CTNNA3: variants seen among roughly 807,000 people sequenced by gnomAD.
CTNNA3 encodes catenin alpha-3.
CTNNA3 carries 76 observed loss-of-function variants against 95.7 expected under a neutral mutation model. The ratio of observed to expected loss-of-function variants is 0.79; its 90% confidence interval spans 0.66 to 0.96. The LOEUF (loss-of-function observed/expected upper bound fraction) is 0.96, where lower values mean the gene tolerates loss of function less well. CTNNA3 is among the 40% of genes least tolerant of loss of function. The pLI is 0.00. For synonymous variants in CTNNA3, 431 were observed against 374.4 expected (o/e 1.15, Z -1.74); for missense variants, 1,191 against 1,089.8 (o/e 1.09, Z -1.31).
At chr10:65,978,088 A>C in intron 16 of CTNNA3, among the ~76,000 whole-genome samples, 1 of 150,986 alleles carries the variant, frequency 6.6e-6, no homozygotes, top group African/African-American at 2.4e-5. Flanking sequence ...CTGATTCCTG[A>C]CTCTATCAAG....
chr10:67,337,278 C>T (rs924432599), intron 5 of CTNNA3, among the ~76,000 whole-genome samples: 2 of 152,088 alleles, frequency 1.3e-5, no homozygotes, highest in Non-Finnish European at 2.9e-5. Flanking sequence ...GGCTTCAAGA[C>T]TTCAATGGCA....
At chr10:67,036,462 G>A (rs558386670) in intron 7 of CTNNA3, among the ~76,000 whole-genome samples, 1 of 152,198 alleles carries the variant, frequency 6.6e-6, no homozygotes, top group South Asian at 2.1e-4. Flanking sequence ...TCAGGAGTTT[G>A]AGATCAGCCT....
intron 5 of CTNNA3, among the ~76,000 whole-genome samples, chr10:67,446,962 G>A (rs993802963): frequency 9.2e-5 from 14 of 152,052 alleles, no homozygotes; most frequent in African/African-American, 1.2e-4. Context: ...AATATTAGCC[G>A]GGCGTGGTGG....
At chr10:66,339,980 A>C (rs1277898591) in intron 12 of CTNNA3, among the ~76,000 whole-genome samples, 1 of 151,730 alleles carries the variant, frequency 6.6e-6, no homozygotes, top group African/African-American at 2.4e-5. Context: ...CCTTGCAGAC[A>C]TCCCTCATGC....
intron 7 of CTNNA3, among the ~76,000 whole-genome samples, chr10:66,814,429 C>T (rs963361644): frequency 6.6e-6 from 1 of 152,106 alleles, no homozygotes; most frequent in Middle Eastern, 3.2e-3. Flanking sequence ...AAATATCATT[C>T]ATTTAACAAT....
intron 9 of CTNNA3, among the ~76,000 whole-genome samples, chr10:66,628,627 C>A (rs1294218222): frequency 6.6e-6 from 1 of 152,014 alleles, no homozygotes; most frequent in East Asian, 1.9e-4. Flanking sequence ...GGGCTTCTTT[C>A]TGAATTTAGA....
chr10:66,824,529 T>C (rs1363020340), intron 7 of CTNNA3, among the ~76,000 whole-genome samples: 3 of 152,180 alleles, frequency 2.0e-5, no homozygotes, highest in Non-Finnish European at 4.4e-5. Context: ...AATAGGTACC[T>C]TGAACATGAT....
chr10:67,507,308 T>C (rs964542102), intron 5 of CTNNA3, among the ~76,000 whole-genome samples: 1 of 152,116 alleles, frequency 6.6e-6, no homozygotes, highest in Non-Finnish European at 1.5e-5. Context: ...GGCAGGTGGA[T>C]CACGACGTCA....
intron 7 of CTNNA3, among the ~76,000 whole-genome samples, chr10:66,896,878 C>A (rs1845515394): frequency 6.6e-6 from 1 of 152,144 alleles, no homozygotes; most frequent in African/African-American, 2.4e-5. Flanking sequence ...GTTTTGTGTT[C>A]CTTGTTGCGC....
At chr10:67,486,615 A>G (rs1848459079) in intron 5 of CTNNA3, among the ~76,000 whole-genome samples, 1 of 152,160 alleles carries the variant, frequency 6.6e-6, no homozygotes, top group Admixed American at 6.5e-5. Flanking sequence ...TTGTAAAAGT[A>G]TTTCAAGGAT....
At chr10:66,690,335 A>G (rs1266075927) in intron 9 of CTNNA3, among the ~76,000 whole-genome samples, 1 of 151,624 alleles carries the variant, frequency 6.6e-6, no homozygotes, top group Non-Finnish European at 1.5e-5. Context: ...TTTTTTTATT[A>G]TTATTATACT....
chr10:67,619,288 A>C (rs1458610434), intron 2 of CTNNA3, among the ~76,000 whole-genome samples: 6 of 152,234 alleles, frequency 3.9e-5, no homozygotes, highest in Admixed American at 3.9e-4. Flanking sequence ...AATGGAATAG[A>C]ATAGAGAACC....
chr10:66,208,860 A>T (rs1188033405), intron 13 of CTNNA3, among the ~76,000 whole-genome samples: 1 of 152,018 alleles, frequency 6.6e-6, no homozygotes, highest in African/African-American at 2.4e-5. Context: ...CATCCTAGTC[A>T]CCAAAGGGCC....
intron 7 of CTNNA3, among the ~76,000 whole-genome samples, chr10:66,895,518 C>A (rs1312498929): frequency 6.6e-6 from 1 of 152,014 alleles, no homozygotes. Flanking sequence ...CCTTTATTAT[C>A]TTTCAGCTTC....
chr10:66,841,890 AG>A (rs1843077924), intron 7 of CTNNA3, among the ~76,000 whole-genome samples: 1 of 152,206 alleles, frequency 6.6e-6, no homozygotes, highest in East Asian at 1.9e-4. Flanking sequence ...TGAGGGTCAA[AG>A]GTAGGAAAGA....
At chr10:67,143,304 C>T (rs930813366) in intron 7 of CTNNA3, among the ~76,000 whole-genome samples, 3 of 151,628 alleles carry the variant, frequency 2.0e-5, no homozygotes, top group Non-Finnish European at 4.4e-5. Flanking sequence ...CGACTGTAAT[C>T]CCAGCTACTC....
intron 7 of CTNNA3, among the ~76,000 whole-genome samples, chr10:67,058,432 T>C (rs1276449073): frequency 1.3e-5 from 2 of 152,238 alleles, no homozygotes; most frequent in African/African-American, 2.4e-5. Flanking sequence ...TGTAAATCAC[T>C]ACTTTAAAAC....
At position 66,888,547 on chromosome 10, in the gene CTNNA3, A is replaced by AT. The variant is rs11321237; in HGVS notation, c.1048-113024dup. Among the ~76,000 whole-genome samples, 324 of 149,240 alleles carry AT rather than the reference A, an allele frequency of 2.2e-3. 2 individuals carry two copies. Among genetic ancestry groups the AT allele is most frequent in the African/African-American group, 7.1e-3 (288 of 40,750 alleles). On this transcript the variant is annotated intron_variant, in intron 7 of 17. Coordinates refer to ENST00000433211, the MANE Select transcript of CTNNA3 (RefSeq NM_013266.4). ...GCCTTTCAGGTCATGGTAGTTTTTC[A>AT]TTTTTTTTTTTTAAGCAATGGGGAA...
intron 3 of CTNNA3, among the ~76,000 whole-genome samples, chr10:67,585,836 T>C (rs1842607286): frequency 6.6e-6 from 1 of 152,124 alleles, no homozygotes; most frequent in Non-Finnish European, 1.5e-5. Flanking sequence ...AATTCTACTC[T>C]GATTTTTGTT....
Sources: allele counts gnomAD v4.1 joint callset (sites outside exome capture counted in the v4.1 genomes callset), GRCh38; gene constraint gnomAD v4.1.1; transcripts MANE v1.5; gene names NCBI Gene and HGNC (gene_info 2026-07-23, HGNC 2026-07-21).